The following STOX2 variants were observed in gnomAD, a reference collection of about 807,000 sequenced individuals.
STOX2 encodes storkhead-box protein 2.
STOX2 carries 28 observed loss-of-function variants against 60.9 expected under a neutral mutation model. The observed-to-expected ratio is 0.46, with a 90% CI of 0.34 to 0.63. STOX2 has a LOEUF of 0.63. Ranked by LOEUF, STOX2 falls within the 30% of genes least tolerant of loss-of-function variation. The probability of loss-of-function intolerance (pLI) is 0.01; values close to 1 mark genes in which losing one functional copy is unlikely to be tolerated. For synonymous variants in STOX2, 472 were observed against 463.9 expected, an observed-to-expected ratio of 1.02 and a Z score of -0.22; for missense variants, 1,024 against 1,187.7, an observed-to-expected ratio of 0.86 and a Z score of 2.03.
chr4:183,919,030 C>A (rs1334251605), intron 1 of STOX2, among the ~76,000 whole-genome samples: 1 of 152,152 alleles, frequency 6.6e-6, no homozygotes, highest in African/African-American at 2.4e-5. Flanking sequence ...AAAGAAAAAC[C>A]AAAACGGTAC....
chr4:184,010,529 A>G lies in STOX2; in HGVS notation c.1691A>G (p.Lys564Arg), dbSNP rs373875063. Residue 564 changes from lysine (K) to arginine (R), a missense_variant, in exon 3 of 4, where the codon AAG becomes AGG. Physicochemically the swap from Lys to Arg is conservative, Grantham distance 26. Around this residue, in one of 3 missense-constraint regions of STOX2, gnomAD observed 922 missense variants for 1,058.3 expected, o/e 0.87. Transcript: ENST00000308497. This position sits in a 1 kb window ranked among gnomAD's most constrained non-coding sequence, Gnocchi z 4.5. ...VCIPEIVSGS[K>R]EPSSACSLLE... ...ATTCCAGAGATAGTCAGTGGCAGCAAGGAACCGTCCAGCGCTTGCAGCCTT... is the reference window on the plus strand; with the variant it reads ...ATTCCAGAGATAGTCAGTGGCAGCAGGGAACCGTCCAGCGCTTGCAGCCTT... 12 of 1,613,818 alleles carry G rather than the reference A, an allele frequency of 7.4e-6. No individual in the cohort carries two copies. Among genetic ancestry groups the G allele is most frequent in the Non-Finnish European group, 1.0e-5 (12 of 1,179,856 alleles).
chr4:183,807,248 A>G (rs1738923123), intron 1 of STOX2, among the ~76,000 whole-genome samples: 1 of 152,202 alleles, frequency 6.6e-6, no homozygotes, highest in Non-Finnish European at 1.5e-5. Flanking sequence ...CTGGGATTAC[A>G]GGCCTGAACC....
At chr4:183,854,525 A>AG (rs1372257096) in intron 1 of STOX2, among the ~76,000 whole-genome samples, 1 of 152,168 alleles carries the variant, frequency 6.6e-6, no homozygotes, top group African/African-American at 2.4e-5. Context: ...GGCAGGGGGC[A>AG]GGGGGGATGG....
intron 1 of STOX2, among the ~76,000 whole-genome samples, chr4:183,919,559 G>A (rs918264261): frequency 6.6e-6 from 1 of 152,162 alleles, no homozygotes; most frequent in African/African-American, 2.4e-5. Flanking sequence ...TGGAAAAGGG[G>A]CCTCTTTACC....
chr4:183,901,602 T>C (rs550748555), upstream of STOX2, among the ~76,000 whole-genome samples: 1 of 151,980 alleles, frequency 6.6e-6, no homozygotes, highest in African/African-American at 2.4e-5. Flanking sequence ...TGGGTATTTT[T>C]TTTTTTTTTT....
In STOX2 at chr4:184,011,147, C is replaced by T. The variant is rs1002693251; in HGVS notation, c.2309C>T (p.Ser770Phe). 1 of 1,576,494 alleles carries T rather than the reference C, an allele frequency of 6.3e-7. No individual in the cohort carries two copies. Among genetic ancestry groups the T allele is most frequent in the South Asian group, 1.2e-5 (1 of 83,992 alleles). The change falls in exon 3 of 4, where the codon TCT (serine) becomes TTT (phenylalanine). Residue 770 changes from serine (S) to phenylalanine (F), a missense_variant. By Grantham distance (155) the Ser-to-Phe change is radical (BLOSUM62 -2). Coordinates refer to ENST00000308497, the MANE Select transcript of STOX2 (RefSeq NM_020225.3). This position sits in a 1 kb window ranked among gnomAD's most constrained non-coding sequence, Gnocchi z 4.4. ...GAGTCAGGAGGGAACCAGGAAGCCT[C>T]TTTTGACTATTACAACGTCTCTGAT... ...QQESGGNQEA[S>F]FDYYNVSDDD...
chr4:183,935,660 T>C (rs1742570320), intron 1 of STOX2, among the ~76,000 whole-genome samples: 1 of 152,234 alleles, frequency 6.6e-6, no homozygotes, highest in African/African-American at 2.4e-5. Flanking sequence ...AAACTGAGTC[T>C]TTCTTCACCT....
chr4:183,945,038 T>C (rs1485257807), intron 1 of STOX2, among the ~76,000 whole-genome samples: 1 of 152,222 alleles, frequency 6.6e-6, no homozygotes, highest in Non-Finnish European at 1.5e-5. Context: ...AGTGTTTAAA[T>C]GTCCTGGGAG....
intron 1 of STOX2, among the ~76,000 whole-genome samples, chr4:183,979,348 T>C (rs1217992392): frequency 6.6e-6 from 1 of 152,158 alleles, no homozygotes. Context: ...ACTCCACCCC[T>C]ATGCTCCAGT....
intron 1 of STOX2, among the ~76,000 whole-genome samples, chr4:183,930,529 T>C (rs1742391721): frequency 6.6e-6 from 1 of 151,444 alleles, no homozygotes; most frequent in Non-Finnish European, 1.5e-5. Flanking sequence ...GTTTTTTTTT[T>C]GTATTTTTCC....
At chr4:183,937,936 C>G (rs1248559161) in intron 1 of STOX2, among the ~76,000 whole-genome samples, 2 of 151,970 alleles carry the variant, frequency 1.3e-5, no homozygotes. Context: ...TGGCTTGAGC[C>G]CAGGAGTTCA....
upstream of STOX2, among the ~76,000 whole-genome samples, chr4:183,902,363 G>A (rs893332378): frequency 2.6e-5 from 4 of 152,196 alleles, no homozygotes; most frequent in African/African-American, 9.7e-5. Context: ...TGTGTAATTA[G>A]TGTCTCTAAT....
intron 1 of STOX2, among the ~76,000 whole-genome samples, chr4:183,879,094 C>A (rs566915970): frequency 6.6e-6 from 1 of 152,308 alleles, no homozygotes; most frequent in Non-Finnish European, 1.5e-5. Flanking sequence ...AAATCTCTCC[C>A]AAATTATCTG....
At chr4:183,971,797 T>A (rs987578343) in intron 1 of STOX2, among the ~76,000 whole-genome samples, 3 of 152,182 alleles carry the variant, frequency 2.0e-5, no homozygotes, top group Non-Finnish European at 4.4e-5. Context: ...CTGCTAACAG[T>A]GCTATTTCAG....
At chr4:183,925,437 C>G (rs541422135) in intron 1 of STOX2, among the ~76,000 whole-genome samples, 1 of 152,258 alleles carries the variant, frequency 6.6e-6, no homozygotes, top group African/African-American at 2.4e-5. Flanking sequence ...CCCACCTTGG[C>G]CTCCCAAAGT....
intron 1 of STOX2, chr4:183,798,652 C>G (rs1334724084): frequency 6.0e-5 from 59 of 985,238 alleles, no homozygotes; most frequent in Non-Finnish European, 6.7e-5. Flanking sequence ...GCACATCTCT[C>G]AAGTCGTTTT....
At chr4:183,837,472 T>G (rs983224042) in intron 1 of STOX2, among the ~76,000 whole-genome samples, 1 of 152,012 alleles carries the variant, frequency 6.6e-6, no homozygotes, top group Non-Finnish European at 1.5e-5. Flanking sequence ...TTTTTTTTTT[T>G]CTTTGAGATA....
chr4:183,848,906 A>T (rs1740046544), intron 1 of STOX2, among the ~76,000 whole-genome samples: 3 of 152,212 alleles, frequency 2.0e-5, no homozygotes, highest in South Asian at 4.1e-4. Flanking sequence ...TGGAGGGAAT[A>T]GAATTCTGCT....
chr4:184,013,680 C>G (rs1420048936), intron 3 of STOX2, among the ~76,000 whole-genome samples: 1 of 152,222 alleles, frequency 6.6e-6, no homozygotes, highest in Non-Finnish European at 1.5e-5. Context: ...TAATGTTCTG[C>G]AAAGGAAAGT....
Sources: allele counts gnomAD v4.1 joint callset (sites outside exome capture counted in the v4.1 genomes callset), GRCh38; gene constraint gnomAD v4.1.1; regional missense constraint gnomAD v4.1.1; non-coding constraint Gnocchi (gnomAD v3.1); transcripts MANE v1.5; gene names NCBI Gene and HGNC (gene_info 2026-07-23, HGNC 2026-07-21).